PDPK1: variants seen among roughly 807,000 people sequenced by gnomAD.
The protein encoded by PDPK1 is 3-phosphoinositide dependent protein kinase 1, also known as 3-phosphoinositide-dependent protein kinase 1.
PDPK1 carries 7 observed loss-of-function variants against 39.8 expected under a neutral mutation model. The observed-to-expected ratio is 0.18, with a 90% CI of 0.10 to 0.33. The LOEUF is 0.33. PDPK1 is among the 10% of genes least tolerant of loss of function. The pLI, the probability that PDPK1 is intolerant of heterozygous loss-of-function variation, is 1.00. For synonymous variants in PDPK1, 118 were observed against 159.1 expected (o/e 0.74, Z 1.95); for missense variants, 182 against 384.7 (o/e 0.47, Z 4.41).
chr16:2,596,782 G>GT (rs2067111101), intron 12 of PDPK1, among the ~76,000 whole-genome samples: 1 of 152,072 alleles, frequency 6.6e-6, no homozygotes, highest in Admixed American at 6.5e-5. Flanking sequence ...GTTCCTGGCC[G>GT]TATGTCCTCC....
In PDPK1 at chr16:2,541,505, C is replaced by T. The variant is rs117244381; in HGVS notation, c.24+3369C>T. ...TTCTGAGGAAATGGACAGGATGCCA[C>T]GTGGTGCTGCAGTTCTGTGTGGGGC... On this transcript the variant is annotated intron_variant, in intron 1 of 13. Coordinates refer to ENST00000342085, the MANE Select transcript of PDPK1 (RefSeq NM_002613.5). 1.7e-3 allele frequency among the ~76,000 whole-genome samples: 262 copies of T among 152,282 alleles called. 6 individuals carry two copies. The East Asian group carries it at 0.046, about 27-fold the overall frequency.
Position 2,597,589 on chromosome 16 carries a change from G to A in PDPK1, c.1555-62G>A. On this transcript the variant is annotated intron_variant, in intron 13 of 13. Coordinates refer to ENST00000342085, the MANE Select transcript of PDPK1 (RefSeq NM_002613.5). This position sits in a 1 kb window ranked among gnomAD's most constrained non-coding sequence, Gnocchi z 6.3. ...ATGGCTGGTCGCAGGCAGCTCACCA[G>A]GTTGGGGTGGGGGTTTTGGTGGGAC... 8.3e-7 allele frequency: 1 copy of A among 1,203,996 alleles called. No individual in the cohort carries two copies. Among genetic ancestry groups the A allele is most frequent in the Non-Finnish European group, 1.2e-6 (1 of 806,364 alleles). The allele number at this position is 1,203,996 out of a possible 1,614,324, so 74.6% of individuals were successfully genotyped here. A position where few individuals can be genotyped will look rare whatever the true frequency, so the allele number is the denominator to read the frequency against.
chr16:2,542,460 G>C (rs2066262577), intron 1 of PDPK1, among the ~76,000 whole-genome samples: 1 of 152,292 alleles, frequency 6.6e-6, no homozygotes, highest in East Asian at 1.9e-4. Context: ...CACCCAGCCT[G>C]GTTTCTGTTT....
At position 2,598,006 on chromosome 16, in the gene PDPK1, G is replaced by A. The variant is rs752529981; in HGVS notation, c.*239G>A. 10 of 543,930 alleles carry A rather than the reference G, an allele frequency of 1.8e-5. No homozygotes were observed. Among genetic ancestry groups the A allele is most frequent in the Non-Finnish European group, 3.0e-5 (9 of 304,380 alleles). 33.7% of individuals were successfully genotyped at this position (543,930 alleles called of 1,614,324 possible). Reference sequence around the variant, plus strand: ...TCGCTTTGCTTGCTCTCTGTGCTCCGTGGAGGCCTCCGTGTGCCCTCGTTG... The same window carrying A: ...TCGCTTTGCTTGCTCTCTGTGCTCCATGGAGGCCTCCGTGTGCCCTCGTTG... On this transcript the variant is annotated 3_prime_UTR_variant, in exon 14 of 14. Transcript: ENST00000342085.
chr16:2,560,185 A>G (rs2066578996), intron 2 of PDPK1, among the ~76,000 whole-genome samples: 2 of 152,198 alleles, frequency 1.3e-5, no homozygotes, highest in South Asian at 4.2e-4. Flanking sequence ...AGTTTAGACA[A>G]CGGAAAGATC....
intron 1 of PDPK1, chr16:2,538,806 C>G: frequency 1.6e-6 from 2 of 1,249,124 alleles, no homozygotes; most frequent in Non-Finnish European, 2.1e-6. Flanking sequence ...CCAAAACAAA[C>G]CACTTGTTGG....
At position 2,601,117 on chromosome 16, in the gene PDPK1, T is replaced by C. The variant is rs1163490332; in HGVS notation, c.*3350T>C. 22 of 233,022 alleles carry C rather than the reference T, an allele frequency of 9.4e-5. No homozygotes were observed. In the South Asian group the frequency reaches 2.7e-3, roughly 29 times the overall value. The allele number at this position is 233,022 out of a possible 1,614,324, so 14.4% of individuals were successfully genotyped here. On this transcript the variant is annotated 3_prime_UTR_variant, in exon 14 of 14. Transcript: ENST00000342085. Reference sequence around the variant, plus strand: ...AAAATCTTCTGATTTCTTACTTTTTTCCCCCTTAGATGCCTGGAAGTGGTA... The same window carrying C: ...AAAATCTTCTGATTTCTTACTTTTTCCCCCCTTAGATGCCTGGAAGTGGTA...
At chr16:2,585,970 C>T (rs968387129) in intron 10 of PDPK1, among the ~76,000 whole-genome samples, 11 of 152,190 alleles carry the variant, frequency 7.2e-5, no homozygotes, top group Admixed American at 4.6e-4. Flanking sequence ...GGCCTGCAGC[C>T]GGGGAGGTGG....
At position 2,541,210 on chromosome 16, in the gene PDPK1, C is replaced by G. The variant is rs2066239016; in HGVS notation, c.24+3074C>G. On this transcript the variant is annotated intron_variant, in intron 1 of 13. Coordinates refer to ENST00000342085, the MANE Select transcript of PDPK1 (RefSeq NM_002613.5). ...TGAAAAGAGGCCTTGGGCAGCTCTTCTTGACAGGTCTTGGCCCTCTAGACT... is the reference window on the plus strand; with the variant it reads ...TGAAAAGAGGCCTTGGGCAGCTCTTGTTGACAGGTCTTGGCCCTCTAGACT... Among the ~76,000 whole-genome samples the G allele has an allele frequency of 2.0e-5, 3 of 152,338 alleles. No homozygotes were observed. In the South Asian group the frequency reaches 6.2e-4, roughly 32 times the overall value.
rs571020949 is a variant in PDPK1, at chr16:2,602,816, C to G, written c.*5049C>G. The G allele has an allele frequency of 6.0e-5, 14 of 234,188 alleles. No individual in the cohort carries two copies. Among genetic ancestry groups the G allele is most frequent in the African/African-American group, 2.6e-4 (12 of 45,422 alleles). The allele number at this position is 234,188 out of a possible 1,614,324, so 14.5% of individuals were successfully genotyped here. On this transcript the variant is annotated 3_prime_UTR_variant, in exon 14 of 14. Transcript: ENST00000342085. ...ACTTATGAAAACAAATGCAATGATA[C>G]TAGGATATACACTTTTGTATTTTTA... is the stretch of plus-strand genomic sequence containing the variant.
intron 1 of PDPK1, among the ~76,000 whole-genome samples, chr16:2,544,049 C>A (rs1170554418): frequency 6.6e-6 from 1 of 152,030 alleles, no homozygotes; most frequent in Non-Finnish European, 1.5e-5. Flanking sequence ...TTACTATATT[C>A]TTTAGGGAAT....
Sources: gnomAD v4.1 joint callset for allele counts (sites outside exome capture counted in the v4.1 genomes callset) on GRCh38, gnomAD v4.1.1 for gene constraint, Gnocchi (gnomAD v3.1) non-coding constraint, MANE v1.5 for transcripts, NCBI Gene and HGNC (gene_info 2026-07-23, HGNC 2026-07-21) for gene names.